EPHA5: variants seen among roughly 807,000 people sequenced by gnomAD.
EPHA5 encodes the protein ephrin type-A receptor 5.
In EPHA5, 60 loss-of-function variants were observed where a neutral mutation model predicts 105.0. The ratio of observed to expected loss-of-function variants is 0.57; its 90% CI spans 0.46 to 0.71. The LOEUF (loss-of-function observed/expected upper bound fraction) is 0.71, where lower values mean the gene tolerates loss of function less well. Among genes scored for constraint, EPHA5 ranks in the 30% least tolerant of loss-of-function variants. The pLI, the probability that EPHA5 is intolerant of heterozygous loss-of-function variation, is 0.00. For synonymous variants in EPHA5, 513 were observed against 449.1 expected (o/e 1.14, Z -1.80); for missense variants, 1,218 against 1,274.7 (o/e 0.96, Z 0.68).
intron 8 of EPHA5, among the ~76,000 whole-genome samples, chr4:65,371,285 A>G (rs1718442107): frequency 6.6e-6 from 1 of 152,036 alleles, no homozygotes; most frequent in African/African-American, 2.4e-5. Context: ...TGGGCAGGAG[A>G]AATTATTCAT....
chr4:65,639,516 T>C (rs948127294), intron 2 of EPHA5, among the ~76,000 whole-genome samples: 6 of 152,174 alleles, frequency 3.9e-5, no homozygotes, highest in Admixed American at 6.5e-5. Context: ...ACTTTTGAAA[T>C]TCTCCCTCTT....
At chr4:65,597,859 C>G (rs1743337123) in intron 3 of EPHA5, among the ~76,000 whole-genome samples, 1 of 152,074 alleles carries the variant, frequency 6.6e-6, no homozygotes, top group Admixed American at 6.6e-5. Context: ...GCTTGGTCAC[C>G]TGGATTGAGG....
chr4:65,549,884 T>C (rs1737732770), intron 3 of EPHA5, among the ~76,000 whole-genome samples: 1 of 152,104 alleles, frequency 6.6e-6, no homozygotes, highest in Non-Finnish European at 1.5e-5. Flanking sequence ...CCTGCTAAGA[T>C]TGATAATGGT....
At chr4:65,359,586 A>G (rs1214104777) in intron 11 of EPHA5, among the ~76,000 whole-genome samples, 1 of 151,568 alleles carries the variant, frequency 6.6e-6, no homozygotes, top group Non-Finnish European at 1.5e-5. Flanking sequence ...CAAATAATTT[A>G]TAGTTATCAT....
At chr4:65,446,956 T>C (rs1726594764) in intron 5 of EPHA5, among the ~76,000 whole-genome samples, 1 of 151,578 alleles carries the variant, frequency 6.6e-6, no homozygotes, top group African/African-American at 2.4e-5. Flanking sequence ...TATTACCATG[T>C]CTGCGTTTTT....
intron 14 of EPHA5, among the ~76,000 whole-genome samples, chr4:65,337,127 C>T (rs1721261512): frequency 6.6e-6 from 1 of 151,770 alleles, no homozygotes; most frequent in South Asian, 2.1e-4. Context: ...TTATGGAATA[C>T]AGAATGATCT....
intron 3 of EPHA5, among the ~76,000 whole-genome samples, chr4:65,515,419 A>G (rs553473933): frequency 1.3e-5 from 2 of 152,240 alleles, no homozygotes; most frequent in African/African-American, 4.8e-5. Context: ...TATTATACCC[A>G]TATATAAATT....
intron 2 of EPHA5, among the ~76,000 whole-genome samples, chr4:65,638,848 A>G (rs996829512): frequency 6.6e-6 from 1 of 152,244 alleles, no homozygotes; most frequent in Non-Finnish European, 1.5e-5. Flanking sequence ...CAAGTTTTAT[A>G]TAAATCAGAC....
intron 13 of EPHA5, among the ~76,000 whole-genome samples, 170 bp downstream of exon 13, chr4:65,351,219 A>C (rs1722781539): frequency 6.6e-6 from 1 of 152,078 alleles, no homozygotes; most frequent in Non-Finnish European, 1.5e-5. Context: ...TTGCTGATAC[A>C]TAAAAGGAAG....
intron 2 of EPHA5, among the ~76,000 whole-genome samples, chr4:65,631,059 T>C (rs928922469): frequency 1.3e-5 from 2 of 152,158 alleles, no homozygotes; most frequent in Non-Finnish European, 2.9e-5. Context: ...CCCATCATTG[T>C]ACCCCTGCTC....
At chr4:65,649,620 A>T (rs1238331035) in intron 1 of EPHA5, among the ~76,000 whole-genome samples, 1 of 152,208 alleles carries the variant, frequency 6.6e-6, no homozygotes, top group East Asian at 1.9e-4. Context: ...AACTCAAATT[A>T]TTGAATGAAT....
intron 1 of EPHA5, among the ~76,000 whole-genome samples, chr4:65,657,920 A>AAAAAG (rs1553962778): frequency 7.4e-6 from 1 of 135,168 alleles, no homozygotes. Context: ...AAAAAAAAAA[A>AAAAAG]GATATTTTAC....
At chr4:65,354,544 T>A (rs1438247597) in intron 11 of EPHA5, among the ~76,000 whole-genome samples, 1 of 151,738 alleles carries the variant, frequency 6.6e-6, no homozygotes, top group Non-Finnish European at 1.5e-5. Context: ...AATTACCATA[T>A]ATGTCCATTA....
chr4:65,366,771 G>C (rs1378304259), intron 9 of EPHA5, among the ~76,000 whole-genome samples: 2 of 151,714 alleles, frequency 1.3e-5, no homozygotes, highest in Non-Finnish European at 2.9e-5. Flanking sequence ...CACTCACTTG[G>C]CAAATCAATT....
At chr4:65,609,338 A>G (rs1744545995) in intron 2 of EPHA5, among the ~76,000 whole-genome samples, 1 of 152,206 alleles carries the variant, frequency 6.6e-6, no homozygotes, top group South Asian at 2.1e-4. Context: ...AGTTGTTCAA[A>G]ACATCTTTAA....
intron 14 of EPHA5, among the ~76,000 whole-genome samples, chr4:65,344,397 C>T (rs1328732206): frequency 1.3e-5 from 2 of 152,126 alleles, no homozygotes; most frequent in South Asian, 2.1e-4. Flanking sequence ...CACCTAGCAC[C>T]AGTGTTTGCA....
At chr4:65,356,450 C>A (rs982106570) in intron 11 of EPHA5, among the ~76,000 whole-genome samples, 2 of 151,368 alleles carry the variant, frequency 1.3e-5, no homozygotes, top group African/African-American at 4.8e-5. Context: ...ATGTGCTGAT[C>A]AGACAACTTA....
At chr4:65,434,135 A>C (rs1017910552) in intron 5 of EPHA5, among the ~76,000 whole-genome samples, 3 of 152,110 alleles carry the variant, frequency 2.0e-5, no homozygotes, top group African/African-American at 2.4e-5. Flanking sequence ...ATCTAACTCT[A>C]TTGGCTCTCT....
intron 1 of EPHA5, among the ~76,000 whole-genome samples, chr4:65,658,473 A>G (rs1476269724): frequency 6.6e-6 from 1 of 152,116 alleles, no homozygotes; most frequent in African/African-American, 2.4e-5. Context: ...ACTTGCAATG[A>G]ATATTAGACA....
Sources: gnomAD v4.1 joint callset for allele counts (sites outside exome capture counted in the v4.1 genomes callset) on GRCh38, gnomAD v4.1.1 for gene constraint, MANE v1.5 for transcripts, NCBI Gene and HGNC (gene_info 2026-07-23, HGNC 2026-07-21) for gene names.